PHYKPL: variants seen among roughly 807,000 people sequenced by gnomAD.
The protein encoded by PHYKPL is 5-phosphohydroxy-L-lysine phospho-lyase.
In PHYKPL, 42 loss-of-function variants were observed where a neutral mutation model predicts 51.3. That is an observed-to-expected ratio of 0.82 (90% CI 0.64 to 1.06). The LOEUF is 1.06. Ranked by LOEUF, PHYKPL falls within the 50% of genes least tolerant of loss-of-function variation. The probability of loss-of-function intolerance (pLI) is 0.00; values close to 1 mark genes in which losing one functional copy is unlikely to be tolerated. For synonymous variants in PHYKPL, 264 were observed against 236.0 expected (o/e 1.12, Z -1.09); for missense variants, 655 against 586.6 (o/e 1.12, Z -1.20).
chr5:178,222,019 C>T (rs1421622158), intron 8 of PHYKPL, among the ~76,000 whole-genome samples: 3 of 152,218 alleles, frequency 2.0e-5, no homozygotes, highest in Non-Finnish European at 2.9e-5. Flanking sequence ...AAGCACACCA[C>T]ACTCCTCACA....
At chr5:178,221,589 A>G (rs1056778546) in intron 8 of PHYKPL, among the ~76,000 whole-genome samples, 1 of 152,202 alleles carries the variant, frequency 6.6e-6, no homozygotes. Context: ...TGCCTTATCT[A>G]TCTTGCCAAA....
At position 178,225,426 on chromosome 5, in the gene PHYKPL, T is replaced by G. The variant is rs556325271; in HGVS notation, c.342A>C (p.Ser114=). 6.2e-7 allele frequency: 1 copy of G among 1,614,212 alleles called. No homozygotes were observed. Among genetic ancestry groups the G allele is most frequent in the African/African-American group, 1.3e-5 (1 of 75,072 alleles). The change falls in exon 4 of 13, where the codon TCA becomes TCC. Residue 114 remains serine (S), a synonymous_variant. Transcript: ENST00000308158. ...GCCTCAGGGCCAGGTCATTGGCTTC[T>G]GACCTATGACCGAAAAGGTGGGCAT... ...LCVFYFLNSG[S]EANDLALRLA...
At chr5:178,210,457 C>CA (rs1386170051) in intron 12 of PHYKPL, 8 of 1,494,264 alleles carry the variant, frequency 5.4e-6, no homozygotes, top group Non-Finnish European at 7.4e-6. Context: ...TCTCTGCTGT[C>CA]ACGGCTGGTG....
chr5:178,224,281 C>G, intron 6 of PHYKPL, 167 bp downstream of exon 6: 1 of 738,294 alleles, frequency 1.4e-6, no homozygotes, highest in Admixed American at 3.1e-5. Flanking sequence ...CATGCTAGGC[C>G]GTGCACTCAG....
intron 3 of PHYKPL, among the ~76,000 whole-genome samples, chr5:178,227,893 T>C (rs1482526104): frequency 3.9e-5 from 6 of 151,902 alleles, no homozygotes; most frequent in Non-Finnish European, 5.9e-5. Context: ...GGAGGCAGGA[T>C]TGATGCAGGA....
At chr5:178,223,722 T>A (rs1761681121) in intron 6 of PHYKPL, 1 of 342,598 alleles carries the variant, frequency 2.9e-6, no homozygotes, top group Non-Finnish European at 5.8e-6. Flanking sequence ...TCTGGCTCTG[T>A]CACTCCTTCA....
At chr5:178,223,030 G>A in intron 6 of PHYKPL, 96 bp from the exon 7 acceptor site, 1 of 1,152,294 alleles carries the variant, frequency 8.7e-7, no homozygotes, top group Non-Finnish European at 1.3e-6. Flanking sequence ...AGCAAGACAA[G>A]TCACCATCAG....
chr5:178,210,360 T>C, intron 12 of PHYKPL: 1 of 1,598,336 alleles, frequency 6.3e-7, no homozygotes, highest in Non-Finnish European at 8.5e-7. Context: ...AGCAGGGGCT[T>C]TGGAGTCAGA....
chr5:178,212,887 C>T (rs557540932), intron 11 of PHYKPL, 86 bp downstream of exon 11: 25 of 1,548,848 alleles, frequency 1.6e-5, no homozygotes, highest in East Asian at 2.3e-5. Flanking sequence ...GACTCTTGTC[C>T]CCTCCCTGTT....
rs7707147 is a variant in PHYKPL, at chr5:178,225,391, T to G, written c.377A>C (p.His126Pro). ...CACCACGTCCTGGTGTCCCGTGTAG[T>G]GGCGAGCCAGCCTCAGGGCCAGGTC... The part of the protein sequence containing the change: ...ANDLALRLAR[H>P]YTGHQDVVVL... The change falls in exon 4 of 13, where the codon CAC becomes CCC. Residue 126 changes from histidine (H) to proline (P), a missense_variant. Transcript: ENST00000308158. 1 of 1,614,102 alleles carries G rather than the reference T, an allele frequency of 6.2e-7. No individual in the cohort carries two copies. Among genetic ancestry groups the G allele is most frequent in the African/African-American group, 1.3e-5 (1 of 74,976 alleles).
At chr5:178,224,290 A>C in intron 6 of PHYKPL, 158 bp downstream of exon 6, 1 of 801,528 alleles carries the variant, frequency 1.2e-6, no homozygotes, top group Middle Eastern at 2.8e-4. Context: ...CCGTGCACTC[A>C]GACTCTCTGC....
intron 12 of PHYKPL, chr5:178,210,331 C>T: frequency 1.2e-6 from 2 of 1,610,612 alleles, no homozygotes; most frequent in Non-Finnish European, 8.5e-7. Context: ...GGAGGCAGGA[C>T]AGTGTAGGAG....
At chr5:178,210,592 G>A in intron 12 of PHYKPL, 1 of 1,614,120 alleles carries the variant, frequency 6.2e-7, no homozygotes, top group East Asian at 2.2e-5. Context: ...CAGCGACGTG[G>A]TGGCCATCAG....
intron 10 of PHYKPL, among the ~76,000 whole-genome samples, chr5:178,214,185 G>T (rs1294218150): frequency 6.6e-6 from 1 of 152,184 alleles, no homozygotes. Flanking sequence ...TGGTGGGCGT[G>T]GGGGAAGGGG....
chr5:178,210,305 A>G, intron 12 of PHYKPL: 1 of 1,613,092 alleles, frequency 6.2e-7, no homozygotes, highest in South Asian at 1.1e-5. Flanking sequence ...CCATCCGCTC[A>G]CCCCTCGTCC....
chr5:178,222,294 G>A (rs543595395), intron 8 of PHYKPL, 61 bp downstream of exon 8: 6 of 1,441,576 alleles, frequency 4.2e-6, no homozygotes, highest in African/African-American at 1.4e-5. Flanking sequence ...CTAAGGACAG[G>A]CTGATCACCG....
intron 10 of PHYKPL, among the ~76,000 whole-genome samples, chr5:178,214,534 G>C (rs563521354): frequency 2.6e-5 from 4 of 152,252 alleles, no homozygotes; most frequent in African/African-American, 9.6e-5. Flanking sequence ...GCTCTGGTCT[G>C]GGAATAGCCT....
At chr5:178,208,235 G>T (rs558637258), downstream of PHYKPL, among the ~76,000 whole-genome samples, 11 of 152,328 alleles carry the variant, frequency 7.2e-5, no homozygotes, top group Admixed American at 1.3e-4. Context: ...GGAGTTGGCA[G>T]CCAGATAAGG....
chr5:178,225,501 G>T, intron 3 of PHYKPL, 72 bp from the exon 4 acceptor site: 1 of 1,460,822 alleles, frequency 6.8e-7, no homozygotes, highest in Non-Finnish European at 9.6e-7. Context: ...CTGAGGGCAG[G>T]AGGACCCTTC....
Sources: allele counts gnomAD v4.1 joint callset (sites outside exome capture counted in the v4.1 genomes callset), GRCh38; gene constraint gnomAD v4.1.1; transcripts MANE v1.5; gene names NCBI Gene and HGNC (gene_info 2026-07-23, HGNC 2026-07-21).